RGS7: variants seen among roughly 807,000 people sequenced by gnomAD.
RGS7 encodes regulator of G-protein signaling 7.
RGS7 carries 27 observed loss-of-function variants against 81.1 expected under a neutral mutation model. That is an observed-to-expected ratio of 0.33 (90% confidence interval 0.25 to 0.46). RGS7 has a LOEUF of 0.46. RGS7 is among the 20% of genes least tolerant of loss of function. RGS7 has a pLI of 1.00. For synonymous variants in RGS7, 208 were observed against 207.7 expected (o/e 1.00, Z -0.01); for missense variants, 396 against 607.4 (o/e 0.65, Z 3.66).
At chr1:240,946,044 A>AT (rs1678549261) in intron 4 of RGS7, among the ~76,000 whole-genome samples, 1 of 152,154 alleles carries the variant, frequency 6.6e-6, no homozygotes, top group South Asian at 2.1e-4. Context: ...GTATTAAAAC[A>AT]TTTTTTCTGT....
chr1:241,259,830 C>T (rs1010612503), intron 2 of RGS7, among the ~76,000 whole-genome samples: 1 of 151,688 alleles, frequency 6.6e-6, no homozygotes, highest in East Asian at 1.9e-4. Flanking sequence ...CCAGCCTCAA[C>T]TGATGCCACT....
At chr1:241,319,618 G>A (rs1428028218) in intron 2 of RGS7, among the ~76,000 whole-genome samples, 1 of 151,966 alleles carries the variant, frequency 6.6e-6, no homozygotes, top group East Asian at 1.9e-4. Context: ...TCAAATTCCT[G>A]GCCTTAAGTG....
intron 2 of RGS7, among the ~76,000 whole-genome samples, chr1:241,139,783 G>A (rs1317264784): frequency 1.3e-5 from 2 of 152,150 alleles, no homozygotes; most frequent in African/African-American, 4.8e-5. Flanking sequence ...TTTATGCCAT[G>A]CTTTCTAATA....
At chr1:241,153,829 A>G (rs955034176) in intron 2 of RGS7, among the ~76,000 whole-genome samples, 1 of 152,236 alleles carries the variant, frequency 6.6e-6, no homozygotes, top group African/African-American at 2.4e-5. Context: ...TGGAGAAGCC[A>G]GTCTTAGGCT....
At chr1:241,249,518 C>T (rs921978169) in intron 2 of RGS7, among the ~76,000 whole-genome samples, 13 of 152,090 alleles carry the variant, frequency 8.5e-5, no homozygotes, top group South Asian at 8.3e-4. Context: ...TTAACTTTGA[C>T]GTCTGTTTTC....
intron 3 of RGS7, among the ~76,000 whole-genome samples, chr1:241,054,543 T>C (rs1012721101): frequency 1.3e-5 from 2 of 152,208 alleles, no homozygotes; most frequent in Non-Finnish European, 2.9e-5. Flanking sequence ...GCACCTGATA[T>C]AAAGATCCAA....
intron 2 of RGS7, among the ~76,000 whole-genome samples, chr1:241,202,946 C>A (rs2073630909): frequency 6.6e-6 from 1 of 152,020 alleles, no homozygotes; most frequent in Non-Finnish European, 1.5e-5. Context: ...CTGAGTCCCT[C>A]ATATTGGGAT....
At chr1:241,101,928 A>G (rs963376396) in intron 2 of RGS7, among the ~76,000 whole-genome samples, 9 of 152,182 alleles carry the variant, frequency 5.9e-5, no homozygotes, top group African/African-American at 2.2e-4. Flanking sequence ...TTCTTTGTAT[A>G]GTCTCATCCC....
rs142198054 is a variant in RGS7 at position 240,868,039 on chromosome 1, A to AAAAGAAAGAAAGAAAGAAAG, written c.609+528_609+547dup. Among the ~76,000 whole-genome samples the AAAAGAAAGAAAGAAAGAAAG allele has an allele frequency of 8.6e-5, 13 of 150,738 alleles. No homozygotes were observed. Among genetic ancestry groups the AAAAGAAAGAAAGAAAGAAAG allele is most frequent in the African/African-American group, 2.7e-4 (11 of 40,966 alleles). ...AGAAAGAAAGAAAAGAAAAGAAGAGAAAAGAAAGAAAGAAAGAAAGAAAAG... is the reference window on the plus strand; with the variant it reads ...AGAAAGAAAGAAAAGAAAAGAAGAGAAAAGAAAGAAAGAAAGAAAGAAAGAAAGAAAGAAAGAAAGAAAAG... On this transcript the variant is annotated intron_variant, in intron 9 of 18. Transcript: ENST00000440928. This position sits in a 1 kb window ranked among gnomAD's most constrained non-coding sequence, Gnocchi z 5.1.
intron 4 of RGS7, among the ~76,000 whole-genome samples, chr1:240,937,534 A>G (rs953273600): frequency 3.9e-5 from 6 of 152,264 alleles, no homozygotes; most frequent in Non-Finnish European, 5.9e-5. Context: ...GTTAAGAAAC[A>G]TTAAAATGGG....
intron 2 of RGS7, among the ~76,000 whole-genome samples, chr1:241,142,371 C>G (rs899506905): frequency 6.6e-6 from 1 of 152,334 alleles, no homozygotes; most frequent in Admixed American, 6.5e-5. Context: ...AGGGCTTCTC[C>G]ATGAAAGCCC....
intron 3 of RGS7, among the ~76,000 whole-genome samples, chr1:241,055,120 A>AT (rs149420081): frequency 0.04 from 6,037 of 152,322 alleles, 154 homozygotes; most frequent in East Asian, 0.11. Flanking sequence ...TTAAGGTATA[A>AT]AAGATAGGAA....
rs534682767 is a variant in RGS7 at position 241,305,967 on chromosome 1, T to A, written c.78+49732A>T. ...AGGAAAAAGGTGTAGAAAGGGGAAGTGACTTTCTCTAAAGTAGAGAGTAGC... is the reference window on the plus strand; with the variant it reads ...AGGAAAAAGGTGTAGAAAGGGGAAGAGACTTTCTCTAAAGTAGAGAGTAGC... On this transcript the variant is annotated intron_variant, in intron 2 of 18. Coordinates refer to ENST00000440928, the MANE Select transcript of RGS7 (RefSeq NM_001364886.1). 30 of 158,054 alleles carry A rather than the reference T, an allele frequency of 1.9e-4. No homozygotes were observed. In the South Asian group the frequency reaches 5.1e-3, roughly 27 times the overall value. 9.8% of individuals were successfully genotyped at this position (158,054 alleles called of 1,614,324 possible).
intron 4 of RGS7, among the ~76,000 whole-genome samples, chr1:240,964,414 C>T (rs1339107292): frequency 1.3e-5 from 2 of 151,972 alleles, no homozygotes; most frequent in South Asian, 4.2e-4. Flanking sequence ...TCAACAGCGA[C>T]GTGCAGAATT....
intron 3 of RGS7, among the ~76,000 whole-genome samples, chr1:241,052,398 G>T (rs1410752867): frequency 7.2e-5 from 11 of 152,124 alleles, no homozygotes; most frequent in African/African-American, 2.7e-4. Context: ...GAAGAGGGTA[G>T]GGAAGGTATT....
intron 6 of RGS7, among the ~76,000 whole-genome samples, chr1:240,871,378 C>T (rs1254899576): frequency 6.6e-6 from 1 of 152,180 alleles, no homozygotes; most frequent in Non-Finnish European, 1.5e-5. Context: ...AGGAAACACA[C>T]TACACAGAAA....
chr1:241,179,314 G>A (rs1272068083), intron 2 of RGS7, among the ~76,000 whole-genome samples: 1 of 152,172 alleles, frequency 6.6e-6, no homozygotes, highest in Non-Finnish European at 1.5e-5. Context: ...GGCCAGGCTG[G>A]TCTCGAACTC....
At chr1:240,907,381 A>G (rs957615106) in intron 6 of RGS7, among the ~76,000 whole-genome samples, 2 of 152,064 alleles carry the variant, frequency 1.3e-5, no homozygotes, top group Non-Finnish European at 2.9e-5. Context: ...AATACTAAAT[A>G]CTAAATAGTA....
chr1:241,175,260 T>C (rs2071044482), intron 2 of RGS7, among the ~76,000 whole-genome samples: 1 of 152,306 alleles, frequency 6.6e-6, no homozygotes, highest in Admixed American at 6.5e-5. Flanking sequence ...TGTCTCCTAT[T>C]ACACATTGGA....
Sources: allele counts gnomAD v4.1 joint callset (sites outside exome capture counted in the v4.1 genomes callset), GRCh38; gene constraint gnomAD v4.1.1; non-coding constraint Gnocchi (gnomAD v3.1); transcripts MANE v1.5; gene names NCBI Gene and HGNC (gene_info 2026-07-23, HGNC 2026-07-21).